Variants in ZNF891 observed in about 807,000 individuals in gnomAD.
ZNF891 encodes hCG1646157.
For synonymous variants in ZNF891, 199 were observed against 209.0 expected, an observed-to-expected ratio of 0.95 and a Z score of 0.41; for missense variants, 589 against 632.7, an observed-to-expected ratio of 0.93 and a Z score of 0.74.
At chr12:133,129,480 A>G (rs1198779507) in intron 1 of ZNF891, among the ~76,000 whole-genome samples, 1 of 150,160 alleles carries the variant, frequency 6.7e-6, no homozygotes, top group African/African-American at 2.5e-5. Context: ...CAGCCTGGGC[A>G]ACAAAGAGCG....
In ZNF891 at chr12:133,107,735, G is replaced by T. The variant is rs905224; in HGVS notation, c.*12549C>A. 0.51 allele frequency: 77,505 copies of T among 151,930 alleles called. 20,220 individuals carry two copies. The highest frequency in any genetic ancestry group is 0.56 in the Non-Finnish European group (37,806 of 67,926). 9.4% of individuals were successfully genotyped at this position (151,930 alleles called of 1,614,324 possible). A position where few individuals can be genotyped will look rare whatever the true frequency, so the allele number is the denominator to read the frequency against. ...GGTGAAAACCGTTCTTTTGTAAGCA[G>T]GTATTTAAAACTGTTCTGGCATTAC... On this transcript the variant is annotated 3_prime_UTR_variant, in exon 2 of 2. Coordinates refer to ENST00000537226, the MANE Select transcript of ZNF891 (RefSeq NM_001277291.2).
rs1406411461 is a variant in ZNF891, at chr12:133,107,860, A to C, written c.*12424T>G. The C allele has an allele frequency of 6.6e-6, 1 of 152,232 alleles. No homozygotes were observed. The highest frequency in any genetic ancestry group is 2.4e-5 in the African/African-American group (1 of 41,470). The allele number at this position is 152,232 out of a possible 1,614,324, so 9.4% of individuals were successfully genotyped here. A position where few individuals can be genotyped will look rare whatever the true frequency, so the allele number is the denominator to read the frequency against. On this transcript the variant is annotated 3_prime_UTR_variant, in exon 2 of 2. Transcript: ENST00000537226. ...GTAGAAAGAGAGGTAGAGAATATGA[A>C]TAGGAATGAATTTAGTGAGCATTAA...
At chr12:133,130,050 C>T (rs1484945162) in intron 1 of ZNF891, among the ~76,000 whole-genome samples, 177 bp downstream of exon 1, 1 of 152,194 alleles carries the variant, frequency 6.6e-6, no homozygotes, top group Non-Finnish European at 1.5e-5. Context: ...GCTCCACTCG[C>T]ACCCGGTAAG....
chr12:133,115,929 G>A lies in ZNF891; in HGVS notation c.*4355C>T, dbSNP rs1955713076. 1 of 152,116 alleles carries A rather than the reference G, an allele frequency of 6.6e-6. No individual in the cohort carries two copies. The highest frequency in any genetic ancestry group is 6.5e-5 in the Admixed American group (1 of 15,270). 9.4% of individuals were successfully genotyped at this position (152,116 alleles called of 1,614,324 possible). ...AGCATTTCTTTTGAAAGTCACATCG[G>A]CGCACAAGGTTTCAGGTTTTGGAGC... is the stretch of plus-strand genomic sequence containing the variant. On this transcript the variant is annotated 3_prime_UTR_variant, in exon 2 of 2. Transcript: ENST00000537226.
At chr12:133,125,931 C>A in intron 1 of ZNF891, 1 of 474,446 alleles carries the variant, frequency 2.1e-6, no homozygotes, top group South Asian at 1.6e-5. Context: ...CTGGATGTTG[C>A]CAACAAAACT....
At chr12:133,129,927 T>C (rs1325339315) in intron 1 of ZNF891, among the ~76,000 whole-genome samples, 1 of 152,128 alleles carries the variant, frequency 6.6e-6, no homozygotes, top group South Asian at 2.1e-4. Flanking sequence ...CCGTGTTGCT[T>C]AGAGAAGGAG....
intron 1 of ZNF891, among the ~76,000 whole-genome samples, chr12:133,128,436 A>G (rs943332784): frequency 6.6e-6 from 1 of 152,198 alleles, no homozygotes; most frequent in African/African-American, 2.4e-5. Flanking sequence ...GTTCGAGACC[A>G]GCCTGGGCAA....
intron 1 of ZNF891, among the ~76,000 whole-genome samples, chr12:133,125,116 G>T (rs1000033140): frequency 6.6e-6 from 1 of 152,120 alleles, no homozygotes; most frequent in African/African-American, 2.4e-5. Context: ...TCAAAGAAAT[G>T]AATTTTAAAA....
intron 1 of ZNF891, among the ~76,000 whole-genome samples, chr12:133,129,219 G>GGGCC (rs1460662466): frequency 2.6e-5 from 4 of 152,040 alleles, no homozygotes; most frequent in African/African-American, 9.7e-5. Context: ...AATTGAGTCA[G>GGGCC]GGCCGGGTGC....
chr12:133,122,192 T>TA (rs1479783705), intron 1 of ZNF891, 168 bp from the exon 2 acceptor site: 3 of 1,110,526 alleles, frequency 2.7e-6, no homozygotes, highest in Non-Finnish European at 2.2e-6. Context: ...TAACGATCCT[T>TA]ACCCACTTCA....
At position 133,111,441 on chromosome 12, in the gene ZNF891, A is replaced by T. The variant is rs1348490793; in HGVS notation, c.*8843T>A. The T allele has an allele frequency of 6.6e-6, 1 of 152,226 alleles. No individual in the cohort carries two copies. The highest frequency in any genetic ancestry group is 1.5e-5 in the Non-Finnish European group (1 of 68,042). The allele number at this position is 152,226 out of a possible 1,614,324, so 9.4% of individuals were successfully genotyped here. On this transcript the variant is annotated 3_prime_UTR_variant, in exon 2 of 2. Transcript: ENST00000537226. Reference sequence around the variant, plus strand: ...CATGAGCCCAGAAGGTTGAGGTGGCAGTGAGCTGAGATTGTGCCACTACAC... The same window carrying T: ...CATGAGCCCAGAAGGTTGAGGTGGCTGTGAGCTGAGATTGTGCCACTACAC...
chr12:133,113,325 AAAGAC>A lies in ZNF891; in HGVS notation c.*6954_*6958del, dbSNP rs1007860404. On this transcript the variant is annotated 3_prime_UTR_variant, in exon 2 of 2. Coordinates refer to ENST00000537226, the MANE Select transcript of ZNF891 (RefSeq NM_001277291.2). ...GTTCACTAAACTAGACATCTTAAAAAAAGACAAAAGAAAAAAATTATGACATAACC... is the reference window on the plus strand; with the variant it reads ...GTTCACTAAACTAGACATCTTAAAAAAAAAGAAAAAAATTATGACATAACC... The A allele has an allele frequency of 1.3e-5, 2 of 152,092 alleles. No homozygotes were observed. Among genetic ancestry groups the A allele is most frequent in the African/African-American group, 4.8e-5 (2 of 41,448 alleles). The allele number at this position is 152,092 out of a possible 1,614,324, so 9.4% of individuals were successfully genotyped here. A position where few individuals can be genotyped will look rare whatever the true frequency, so the allele number is the denominator to read the frequency against.
In ZNF891 at chr12:133,120,900, T is replaced by TATAA. The variant is rs1955751446; in HGVS notation, c.1018_1019insTTAT (p.Lys340IlefsTer7). ...ATATTGTTTCTCACCCATGTGACTT[T>TATAA]TCTTGTATAAAGTAAGATTAGAAAT... On this transcript the variant is annotated frameshift_variant, in exon 2 of 2. Transcript: ENST00000537226. LOFTEE classifies it low-confidence loss of function (END_TRUNC). 1 of 1,538,546 alleles carries TATAA rather than the reference T, an allele frequency of 6.5e-7. No homozygotes were observed. The highest frequency in any genetic ancestry group is 1.4e-5 in the African/African-American group (1 of 73,066).
intron 1 of ZNF891, among the ~76,000 whole-genome samples, chr12:133,124,442 A>G (rs1955794665): frequency 6.6e-6 from 1 of 152,158 alleles, no homozygotes; most frequent in African/African-American, 2.4e-5. Context: ...AAAGAAGGAT[A>G]TATAAGTCCT....
intron 1 of ZNF891, among the ~76,000 whole-genome samples, chr12:133,127,115 C>T (rs564746577): frequency 9.2e-5 from 14 of 151,784 alleles, no homozygotes; most frequent in East Asian, 5.9e-4. Context: ...AGGCGCCGGC[C>T]ACCACGCCCG....
Position 133,120,539 on chromosome 12 carries a change from A to G in ZNF891, c.1380T>C (p.Tyr460=). The G allele has an allele frequency of 1.3e-6, 2 of 1,569,236 alleles. No individual in the cohort carries two copies. Among genetic ancestry groups the G allele is most frequent in the African/African-American group, 1.4e-5 (1 of 73,592 alleles). ...AAACTTTCCCACAGTCACTGCATTC[A>G]TAAACATTCTCTCCGGTATGAATTT... The part of the protein sequence containing the change: ...HKKIHTGENV[Y]ECSDCGKVFS... Residue 460 remains tyrosine (Y), a synonymous_variant, in exon 2 of 2, where the codon TAT becomes TAC. Transcript: ENST00000537226.
rs762451010 is a variant in ZNF891, at chr12:133,106,702, G to A, written c.*13582C>T. 21 of 1,452,150 alleles carry A rather than the reference G, an allele frequency of 1.4e-5. No individual in the cohort carries two copies. In the Admixed American group the frequency reaches 4.3e-4, roughly 30 times the overall value. 90.0% of individuals were successfully genotyped at this position (1,452,150 alleles called of 1,614,324 possible). A position where few individuals can be genotyped will look rare whatever the true frequency, so the allele number is the denominator to read the frequency against. ...AATGTATGGAATTTTTTAAAAAGAA[G>A]TATAATGCCTTACTTCAGAGAACTC... On this transcript the variant is annotated 3_prime_UTR_variant, in exon 2 of 2. Transcript: ENST00000537226.
chr12:133,126,545 G>T (rs927179921), intron 1 of ZNF891, among the ~76,000 whole-genome samples: 3 of 151,264 alleles, frequency 2.0e-5, no homozygotes, highest in African/African-American at 7.3e-5. Flanking sequence ...GAACACAGTG[G>T]CTTACGCCTG....
Position 133,120,414 on chromosome 12 carries a change from G to T in ZNF891, c.1505C>A (p.Ser502Tyr). Residue 502 changes from serine to tyrosine, a missense_variant, in exon 2 of 2, where the codon TCC (serine) becomes TAC (tyrosine). Coordinates refer to ENST00000537226, the MANE Select transcript of ZNF891 (RefSeq NM_001277291.2). The part of the protein sequence containing the change: ...ECRKAFSVSS[S>Y]LRRHVRIHTG... ...GTGAATTCTCACATGCCTCCTAAGG[G>T]AAGAGGAAACACTGAAGGCTTTCCT... The T allele has an allele frequency of 6.2e-7, 1 of 1,601,988 alleles. No homozygotes were observed.
Sources: gnomAD v4.1 joint callset for allele counts (sites outside exome capture counted in the v4.1 genomes callset) on GRCh38, gnomAD v4.1.1 for gene constraint, MANE v1.5 for transcripts, NCBI Gene and HGNC (gene_info 2026-07-23, HGNC 2026-07-21) for gene names.